POLR1C: variants seen among roughly 807,000 people sequenced by gnomAD.
The protein encoded by POLR1C is DNA-directed RNA polymerases I and III subunit RPAC1.
In POLR1C, 42 loss-of-function variants were observed where a neutral mutation model predicts 38.3. That is an observed-to-expected ratio of 1.10 (90% CI 0.86 to 1.42). The LOEUF is 1.42. Among genes scored for constraint, POLR1C ranks in the 40% most tolerant of loss-of-function variants. The probability of loss-of-function intolerance (pLI) is 0.00; values close to 1 mark genes in which losing one functional copy is unlikely to be tolerated. For missense variants in POLR1C, 507 were observed against 450.5 expected (o/e 1.13, Z -1.14); for synonymous variants, 163 against 163.9 (o/e 0.99, Z 0.04).
At chr6:43,519,247 C>T (rs892342993) in intron 2 of POLR1C, 86 bp from the exon 3 acceptor site, 5 of 825,224 alleles carry the variant, frequency 6.1e-6, no homozygotes, top group Non-Finnish European at 1.0e-5. Context: ...GAGGATAATA[C>T]TTGAGGGAAT....
downstream of POLR1C, among the ~76,000 whole-genome samples, chr6:43,522,146 G>T (rs1793227601): frequency 6.6e-6 from 1 of 152,220 alleles, no homozygotes; most frequent in African/African-American, 2.4e-5. Flanking sequence ...TGTGAGAATG[G>T]TATGGGCTGC....
At chr6:43,529,031 A>T (rs1204296432) in intron 8 of POLR1C, 1 of 1,173,608 alleles carries the variant, frequency 8.5e-7, no homozygotes, top group Non-Finnish European at 1.2e-6. Flanking sequence ...GATTTGCCAG[A>T]TGTCAAAAAT....
chr6:43,534,090 A>G, downstream of POLR1C: 7 of 985,474 alleles, frequency 7.1e-6, no homozygotes, highest in South Asian at 1.3e-5. Flanking sequence ...CAGTGATACT[A>G]CAGTTTCACA....
chr6:43,561,527 C>T (rs917249484), exon 11 of POLR1C: 1 of 153,860 alleles, frequency 6.5e-6, no homozygotes, highest in Non-Finnish European at 1.4e-5. Flanking sequence ...AACAGGCATG[C>T]ACCACCACGC....
chr6:43,560,887 A>G (rs1436451502), intron 10 of POLR1C: 2 of 1,530,222 alleles, frequency 1.3e-6, no homozygotes, highest in Admixed American at 3.3e-5. Flanking sequence ...TGGTTCACCT[A>G]ACTAAACTTT....
chr6:43,547,582 AC>A (rs764832527), intron 9 of POLR1C: 1 of 1,610,372 alleles, frequency 6.2e-7, no homozygotes, highest in Non-Finnish European at 8.5e-7. Context: ...GGCCAATGCC[AC>A]TTCCCATTCC....
intron 9 of POLR1C, among the ~76,000 whole-genome samples, chr6:43,541,243 G>C (rs1794676468): frequency 6.6e-6 from 1 of 152,122 alleles, no homozygotes; most frequent in Non-Finnish European, 1.5e-5. Flanking sequence ...CATTTAAAAA[G>C]CATAACTGCA....
In POLR1C at chr6:43,521,002, G is replaced by C; in HGVS notation, c.876G>C (p.Lys292Asn). The change falls in exon 8 of 9, where the codon AAG becomes AAC. Residue 292 changes from lysine to asparagine, a missense_variant. Lys to Asn is a moderately conservative substitution (Grantham distance 94, BLOSUM62 0). Coordinates refer to ENST00000642195, the MANE Select transcript of POLR1C (RefSeq NM_203290.4). ...TFSREIFRNE[K>N]LKKVVRLARV... ...GCAGAGAAATCTTCCGGAATGAGAAGCTAAAGAAGGTTGTGAGGCTTGCCC... is the reference window on the plus strand; with the variant it reads ...GCAGAGAAATCTTCCGGAATGAGAACCTAAAGAAGGTTGTGAGGCTTGCCC... The C allele has an allele frequency of 6.2e-7, 1 of 1,614,202 alleles. No homozygotes were observed. The highest frequency in any genetic ancestry group is 8.5e-7 in the Non-Finnish European group (1 of 1,180,032).
In POLR1C at chr6:43,539,375, A is replaced by G. The variant is rs957473518; in HGVS notation, c.*4+10016A>G. 3,127 of 1,579,268 alleles carry G rather than the reference A, an allele frequency of 2.0e-3. 4 individuals are homozygous for G. Among genetic ancestry groups the G allele is most frequent in the Non-Finnish European group, 2.5e-3 (2,958 of 1,168,612 alleles). On this transcript the variant is annotated intron_variant, in intron 9 of 10. Coordinates refer to the POLR1C transcript ENST00000607635. ...AGCACGGGTCTGCTTCTGCACTGGCATAATCTTCAAAACCTCATCCTTGAG... is the reference window on the plus strand; with the variant it reads ...AGCACGGGTCTGCTTCTGCACTGGCGTAATCTTCAAAACCTCATCCTTGAG...
downstream of POLR1C, chr6:43,531,611 A>G (rs529466791): frequency 5.1e-6 from 8 of 1,566,098 alleles, no homozygotes; most frequent in Non-Finnish European, 7.0e-6. Flanking sequence ...ATGATGCTCC[A>G]CTGTCAGGAG....
At position 43,519,995 on chromosome 6, in the gene POLR1C, C is replaced by T. The variant is rs184442171; in HGVS notation, c.383-71C>T. On this transcript the variant is annotated intron_variant, in intron 4 of 8. Coordinates refer to ENST00000642195, the MANE Select transcript of POLR1C (RefSeq NM_203290.4). ...GTTTGCCATAATTAAATGGGAAACACGTAAAGCATTCAGCATAGTGCTGGC... is the reference window on the plus strand; with the variant it reads ...GTTTGCCATAATTAAATGGGAAACATGTAAAGCATTCAGCATAGTGCTGGC... 95 of 1,586,720 alleles carry T rather than the reference C, an allele frequency of 6.0e-5. No individual in the cohort carries two copies. The Admixed American group carries it at 7.0e-4, about 12-fold the overall frequency.
chr6:43,526,784 G>GTTTTCC, intron 8 of POLR1C: 6 of 1,603,770 alleles, frequency 3.7e-6, no homozygotes, highest in Non-Finnish European at 5.1e-6. Context: ...GTGAAGGGTG[G>GTTTTCC]GTATATACTA....
At chr6:43,541,004 A>G (rs1794662836) in intron 9 of POLR1C, among the ~76,000 whole-genome samples, 1 of 152,196 alleles carries the variant, frequency 6.6e-6, no homozygotes, top group African/African-American at 2.4e-5. Flanking sequence ...CCAGGCACAG[A>G]AAGACACATC....
In POLR1C at chr6:43,519,456, G is replaced by A. The variant is rs1350136558; in HGVS notation, c.249+16G>A. On this transcript the variant is annotated intron_variant, in intron 3 of 8. Transcript: ENST00000642195. ...GCTAGCTGAGGTATTGGCAGGCATG[G>A]TGACAAGGCTGGAGTTGCTTTGGGA... The A allele has an allele frequency of 1.9e-6, 3 of 1,580,420 alleles. No individual in the cohort carries two copies. The African/African-American group carries it at 4.0e-5, about 21-fold the overall frequency.
downstream of POLR1C, chr6:43,531,621 G>A: frequency 6.6e-7 from 1 of 1,523,876 alleles, no homozygotes. Flanking sequence ...ACTGTCAGGA[G>A]TCTCAATTGG....
downstream of POLR1C, chr6:43,533,362 T>A (rs1011330090): frequency 1.3e-5 from 2 of 152,496 alleles, no homozygotes; most frequent in African/African-American, 4.8e-5. Context: ...CTGGCTAAAT[T>A]GAAGAAGGGG....
chr6:43,546,881 TC>T (rs951087343), intron 9 of POLR1C: 8 of 881,550 alleles, frequency 9.1e-6, no homozygotes, highest in Non-Finnish European at 1.3e-5. Flanking sequence ...AATCCTCTGC[TC>T]CCCGGCAATC....
rs1224147417 is a variant in POLR1C at position 43,520,440 on chromosome 6, T to C, written c.655+13T>C. The C allele has an allele frequency of 6.2e-6, 10 of 1,613,004 alleles. No homozygotes were observed. The highest frequency in any genetic ancestry group is 1.7e-5 in the Admixed American group (1 of 59,998). ...GTCAAGGGCATTGGTGAGAACCCTG[T>C]GTGCCTTCCTGGGAAGGGGGATAGT... is the stretch of plus-strand genomic sequence containing the variant. On this transcript the variant is annotated intron_variant, in intron 6 of 8. Transcript: ENST00000642195.
chr6:43,553,746 T>A, intron 10 of POLR1C: 1 of 651,678 alleles, frequency 1.5e-6, no homozygotes, highest in Non-Finnish European at 2.2e-6. Flanking sequence ...ATGAGCGGTC[T>A]GAATTCACCT....
Sources: gnomAD v4.1 joint callset for allele counts (sites outside exome capture counted in the v4.1 genomes callset) on GRCh38, gnomAD v4.1.1 for gene constraint, MANE v1.5 for transcripts, NCBI Gene and HGNC (gene_info 2026-07-23, HGNC 2026-07-21) for gene names.